The following TBCEL variants were observed in gnomAD, a reference collection of about 807,000 sequenced individuals.
TBCEL encodes the protein tubulin folding cofactor E like.
Under a neutral mutation model 44.2 loss-of-function variants are expected in TBCEL, and 15 were observed. The observed-to-expected ratio is 0.34, with a 90% CI of 0.23 to 0.52. The LOEUF (loss-of-function observed/expected upper bound fraction) is 0.52, where lower values mean the gene tolerates loss of function less well. Among genes scored for constraint, TBCEL ranks in the 20% least tolerant of loss-of-function variants. TBCEL has a pLI of 0.95. For synonymous variants in TBCEL, 171 were observed against 185.4 expected (o/e 0.92, Z 0.63); for missense variants, 319 against 506.3 (o/e 0.63, Z 3.55).
At chr11:121,061,634 G>A (rs1437794516) in intron 8 of TBCEL, among the ~76,000 whole-genome samples, 1 of 152,032 alleles carries the variant, frequency 6.6e-6, no homozygotes, top group Non-Finnish European at 1.5e-5. Context: ...GTAACACAAT[G>A]GTAAGTATTT....
chr11:121,087,169 T>G lies in TBCEL; in HGVS notation c.*73T>G. On this transcript the variant is annotated 3_prime_UTR_variant, in exon 9 of 9. Coordinates refer to ENST00000683345, the MANE Select transcript of TBCEL (RefSeq NM_001363644.2). ...GCATTTGTTTTTAATGTGGTTTTCT[T>G]TAGGAGGGAGAGGTTGTTTTTGTTT... The G allele has an allele frequency of 7.1e-7, 1 of 1,401,256 alleles. No individual in the cohort carries two copies. The highest frequency in any genetic ancestry group is 1.4e-5 in the South Asian group (1 of 72,458). The allele number at this position is 1,401,256 out of a possible 1,614,324, so 86.8% of individuals were successfully genotyped here. A position where few individuals can be genotyped will look rare whatever the true frequency, so the allele number is the denominator to read the frequency against.
intron 4 of TBCEL, among the ~76,000 whole-genome samples, chr11:121,049,145 G>A (rs540056736): frequency 4.0e-5 from 6 of 151,852 alleles, no homozygotes; most frequent in South Asian, 4.1e-4. Context: ...TGTTGAGTGC[G>A]TTAATGATTA....
intron 8 of TBCEL, among the ~76,000 whole-genome samples, chr11:121,080,984 T>C (rs1946114361): frequency 1.3e-5 from 2 of 152,246 alleles, no homozygotes; most frequent in African/African-American, 4.8e-5. Context: ...CACAGGTGGC[T>C]TCATTCTCTG....
At chr11:121,061,962 A>T (rs976824266) in intron 8 of TBCEL, among the ~76,000 whole-genome samples, 1 of 151,860 alleles carries the variant, frequency 6.6e-6, no homozygotes, top group African/African-American at 2.4e-5. Context: ...AAACGTTTTG[A>T]CTCTTTTGTA....
At chr11:121,029,374 T>C (rs1945104079) in intron 1 of TBCEL, among the ~76,000 whole-genome samples, 1 of 152,210 alleles carries the variant, frequency 6.6e-6, no homozygotes, top group African/African-American at 2.4e-5. Flanking sequence ...TTCACAATAA[T>C]AACTAGTTTA....
intron 1 of TBCEL, among the ~76,000 whole-genome samples, chr11:121,033,809 A>G (rs1265750915): frequency 1.3e-5 from 2 of 151,318 alleles, no homozygotes; most frequent in East Asian, 3.9e-4. Flanking sequence ...ATAACTCTCC[A>G]CTCCCCGTGC....
chr11:121,087,701 T>A lies in TBCEL; in HGVS notation c.*605T>A, dbSNP rs902094059. 1 of 152,358 alleles carries A rather than the reference T, an allele frequency of 6.6e-6. No homozygotes were observed. The allele number at this position is 152,358 out of a possible 1,614,324, so 9.4% of individuals were successfully genotyped here. On this transcript the variant is annotated 3_prime_UTR_variant, in exon 9 of 9. Transcript: ENST00000683345. The stretch of plus-strand genomic sequence containing the variant: ...TCCCTTTTGAAATAATTGAAAGTGT[T>A]TTAAGCATTTTTAACCTGATTCTAA...
intron 8 of TBCEL, among the ~76,000 whole-genome samples, chr11:121,063,889 C>T (rs1051892590): frequency 3.9e-5 from 6 of 152,100 alleles, no homozygotes; most frequent in African/African-American, 1.2e-4. Flanking sequence ...GATTAATCTA[C>T]TTTTTACCAC....
rs1391426032 is a variant in TBCEL, at chr11:121,033,713, A to G, written c.-125-2792A>G. ...GTTTTGTAGTTTAGTGGCATTAAGTACATTCACATTATTATGCAACCATCA... is the reference window on the plus strand; with the variant it reads ...GTTTTGTAGTTTAGTGGCATTAAGTGCATTCACATTATTATGCAACCATCA... On this transcript the variant is annotated intron_variant, in intron 1 of 8. Coordinates refer to ENST00000683345, the MANE Select transcript of TBCEL (RefSeq NM_001363644.2). Among the ~76,000 whole-genome samples the G allele has an allele frequency of 2.0e-5, 3 of 152,212 alleles. No homozygotes were observed. The East Asian group carries it at 5.8e-4, about 29-fold the overall frequency.
chr11:121,052,806 G>T (rs1443386074), intron 4 of TBCEL, among the ~76,000 whole-genome samples: 4 of 151,792 alleles, frequency 2.6e-5, no homozygotes, highest in Admixed American at 2.0e-4. Flanking sequence ...TTATTAAAAT[G>T]AAAGTAGTAT....
At chr11:121,083,194 G>T (rs553269134) in intron 8 of TBCEL, among the ~76,000 whole-genome samples, 1 of 152,312 alleles carries the variant, frequency 6.6e-6, no homozygotes, top group South Asian at 2.1e-4. Flanking sequence ...AGCAATCTAG[G>T]TTATTAATTA....
At chr11:121,055,013 C>CAA (rs745689768) in intron 5 of TBCEL, 39 bp from the exon 6 acceptor site, 2 of 1,398,114 alleles carry the variant, frequency 1.4e-6, no homozygotes, top group African/African-American at 1.5e-5. Context: ...AGAAATTAAA[C>CAA]TGCTTTAAAC....
chr11:121,049,253 T>G lies in TBCEL; in HGVS notation c.273+1586T>G, dbSNP rs188127017. Among the ~76,000 whole-genome samples, 712 of 152,028 alleles carry G rather than the reference T, an allele frequency of 4.7e-3. 5 individuals carry two copies. The highest frequency in any genetic ancestry group is 0.017 in the Middle Eastern group (5 of 294). On this transcript the variant is annotated intron_variant, in intron 4 of 8. Transcript: ENST00000683345. ...ATCCTTTAGAGCTTTAGTTTGCTTA[T>G]CCATAAGGTAGGCTTGCCGATAAAA...
At chr11:121,075,265 G>C (rs1449696374) in intron 8 of TBCEL, among the ~76,000 whole-genome samples, 1 of 151,714 alleles carries the variant, frequency 6.6e-6, no homozygotes, top group Non-Finnish European at 1.5e-5. Flanking sequence ...CCTGATTTCT[G>C]AAAAAGGTAG....
At chr11:121,031,692 G>T (rs1233327853) in intron 1 of TBCEL, among the ~76,000 whole-genome samples, 2 of 139,004 alleles carry the variant, frequency 1.4e-5, no homozygotes, top group Admixed American at 7.5e-5. Context: ...TTGAGACGGG[G>T]TCTTGCTCTG....
At chr11:121,061,707 ACTG>A (rs1945726116) in intron 8 of TBCEL, among the ~76,000 whole-genome samples, 1 of 152,058 alleles carries the variant, frequency 6.6e-6, no homozygotes, top group Non-Finnish European at 1.5e-5. Context: ...AAAGATAAAA[ACTG>A]CTATACCTGT....
chr11:121,043,332 T>G (rs1309872710), intron 2 of TBCEL, among the ~76,000 whole-genome samples: 2 of 152,178 alleles, frequency 1.3e-5, no homozygotes, highest in Admixed American at 6.6e-5. Flanking sequence ...ACAGTTCCAC[T>G]ACCCTTTATA....
In TBCEL at chr11:121,047,935, TA is replaced by T. The variant is rs141948107; in HGVS notation, c.273+290del. On this transcript the variant is annotated intron_variant, in intron 4 of 8. Coordinates refer to ENST00000683345, the MANE Select transcript of TBCEL (RefSeq NM_001363644.2). ...ACATAGCAAGAACCCATCTTTAATT[TA>T]AAAAAAAAAAAAAAAAAAAAAGGCA... 452 of 115,130 alleles carry T rather than the reference TA, an allele frequency of 3.9e-3. 2 individuals carry two copies. Among genetic ancestry groups the T allele is most frequent in the East Asian group, 0.02 (77 of 3,938 alleles). 7.1% of individuals were successfully genotyped at this position (115,130 alleles called of 1,614,324 possible). A position where few individuals can be genotyped will look rare whatever the true frequency, so the allele number is the denominator to read the frequency against.
chr11:121,034,128 T>C lies in TBCEL; in HGVS notation c.-125-2377T>C, dbSNP rs536518118. Reference sequence around the variant, plus strand: ...CTTGGGTAGATACCCAGAAGGGGAATTGCTGGGTCATATAGTAATTCTGTG... The same window carrying C: ...CTTGGGTAGATACCCAGAAGGGGAACTGCTGGGTCATATAGTAATTCTGTG... On this transcript the variant is annotated intron_variant, in intron 1 of 8. Coordinates refer to ENST00000683345, the MANE Select transcript of TBCEL (RefSeq NM_001363644.2). Among the ~76,000 whole-genome samples the C allele has an allele frequency of 7.9e-5, 12 of 152,272 alleles. No individual in the cohort carries two copies. In the South Asian group the frequency reaches 2.5e-3, roughly 32 times the overall value.
Sources: allele counts gnomAD v4.1 joint callset (sites outside exome capture counted in the v4.1 genomes callset), GRCh38; gene constraint gnomAD v4.1.1; transcripts MANE v1.5; gene names NCBI Gene and HGNC (gene_info 2026-07-23, HGNC 2026-07-21).